Variants in MLF1 observed in about 807,000 individuals in gnomAD.
MLF1 encodes myeloid leukemia factor 1, also known as myelodysplasia-myeloid leukemia factor 1.
MLF1 carries 37 observed loss-of-function variants against 38.3 expected under a neutral mutation model. The observed-to-expected ratio is 0.96, with a 90% CI of 0.74 to 1.27. The LOEUF (loss-of-function observed/expected upper bound fraction) is 1.27. MLF1 is among the 50% of genes most tolerant of loss of function. The probability of loss-of-function intolerance (pLI) is 0.00; values close to 1 mark genes in which losing one functional copy is unlikely to be tolerated. For synonymous variants in MLF1, 95 were observed against 106.5 expected (o/e 0.89, Z 0.66); for missense variants, 331 against 349.2 (o/e 0.95, Z 0.42).
intron 2 of MLF1, 138 bp downstream of exon 2, chr3:158,592,719 G>A: frequency 9.9e-6 from 7 of 706,904 alleles, no homozygotes; most frequent in South Asian, 6.5e-5. Flanking sequence ...TAAAAGGGGG[G>A]ACCTTTGGAA....
intron 6 of MLF1, among the ~76,000 whole-genome samples, chr3:158,601,806 CT>C (rs1188640734): frequency 3.1e-5 from 3 of 96,024 alleles, no homozygotes; most frequent in Non-Finnish European, 3.7e-5. Context: ...TAAAATTATT[CT>C]TTTTTTTTTT....
chr3:158,575,491 G>C (rs576581844), intron 1 of MLF1, among the ~76,000 whole-genome samples: 3 of 152,036 alleles, frequency 2.0e-5, no homozygotes, highest in African/African-American at 7.2e-5. Context: ...TGACCCACCC[G>C]TTTTACCTCA....
chr3:158,575,584 A>G (rs1419454063), intron 1 of MLF1, among the ~76,000 whole-genome samples: 2 of 152,156 alleles, frequency 1.3e-5, no homozygotes, highest in African/African-American at 4.8e-5. Context: ...TGAATCATCC[A>G]CTGACCTTAG....
At chr3:158,594,543 A>G (rs1027817249) in intron 3 of MLF1, among the ~76,000 whole-genome samples, 2 of 152,230 alleles carry the variant, frequency 1.3e-5, no homozygotes, top group Non-Finnish European at 2.9e-5. Context: ...TAATAGAGTC[A>G]TATTCTTGAA....
intron 1 of MLF1, among the ~76,000 whole-genome samples, chr3:158,592,003 ATACACT>A (rs1718222484): frequency 6.6e-6 from 1 of 152,218 alleles, no homozygotes; most frequent in Non-Finnish European, 1.5e-5. Context: ...AATGCATTTA[ATACACT>A]TAACCTACCG....
chr3:158,601,806 CTTTTTTTTTTTTTTT>C (rs1188640734), intron 6 of MLF1, among the ~76,000 whole-genome samples: 1 of 96,048 alleles, frequency 1.0e-5, no homozygotes, highest in Non-Finnish European at 1.9e-5. Context: ...TAAAATTATT[CTTTTTTTTTTTTTTT>C]TTTTTGAGAC....
chr3:158,584,500 C>T (rs1290473470), intron 1 of MLF1, among the ~76,000 whole-genome samples: 1 of 152,080 alleles, frequency 6.6e-6, no homozygotes, highest in Non-Finnish European at 1.5e-5. Flanking sequence ...AAATGTGACC[C>T]ATTCTCCAGA....
intron 1 of MLF1, 92 bp from the exon 2 acceptor site, chr3:158,592,337 CATATT>C: frequency 9.6e-7 from 1 of 1,036,960 alleles, no homozygotes; most frequent in Non-Finnish European, 1.3e-6. Flanking sequence ...ATCTAACAAA[CATATT>C]AGCCCAAAAT....
At chr3:158,602,009 G>C (rs1393587934) in intron 6 of MLF1, among the ~76,000 whole-genome samples, 2 of 151,644 alleles carry the variant, frequency 1.3e-5, no homozygotes, top group Non-Finnish European at 2.9e-5. Flanking sequence ...GTAGAGACGT[G>C]GTTTCACCAT....
intron 6 of MLF1, 94 bp from the exon 7 acceptor site, chr3:158,602,713 A>G (rs1719975874): frequency 7.9e-7 from 1 of 1,270,376 alleles, no homozygotes; most frequent in East Asian, 2.4e-5. Flanking sequence ...ACACTAATGA[A>G]AACACCAGAC....
At chr3:158,572,136 A>G (rs1483098534) in intron 1 of MLF1, among the ~76,000 whole-genome samples, 1 of 56,512 alleles carries the variant, frequency 1.8e-5, no homozygotes, top group Non-Finnish European at 3.4e-5. Context: ...TGAAGGTGTG[A>G]GGTGTAGGAG....
rs775271526 is a variant in MLF1, at chr3:158,605,143, A to G, written c.793A>G (p.Asn265Asp). The change falls in exon 8 of 8, where the codon AAT becomes GAT. Residue 265 changes from asparagine to aspartate, a missense_variant. Physicochemically the swap from Asn to Asp is conservative, Grantham distance 23. Coordinates refer to ENST00000466246, the MANE Select transcript of MLF1 (RefSeq NM_001369783.1). Reference protein sequence around the residue: ...SPAIEHGRRSNVLGDKLHIKG... With the variant: ...SPAIEHGRRSDVLGDKLHIKG... ...AGCCATTGAACATGGAAGGAGATCAAATGTTTTGGGGGACAAACTCCACAT... is the reference window on the plus strand; with the variant it reads ...AGCCATTGAACATGGAAGGAGATCAGATGTTTTGGGGGACAAACTCCACAT... 26 of 1,613,938 alleles carry G rather than the reference A, an allele frequency of 1.6e-5. No homozygotes were observed. The highest frequency in any genetic ancestry group is 4.5e-5 in the East Asian group (2 of 44,846).
At chr3:158,579,023 C>T (rs1443274681) in intron 1 of MLF1, among the ~76,000 whole-genome samples, 2 of 152,082 alleles carry the variant, frequency 1.3e-5, no homozygotes, top group Non-Finnish European at 2.9e-5. Context: ...CAAAATATTG[C>T]ACCCTATGAA....
intron 1 of MLF1, among the ~76,000 whole-genome samples, chr3:158,575,651 T>C (rs1247839332): frequency 6.6e-6 from 1 of 152,178 alleles, no homozygotes; most frequent in Non-Finnish European, 1.5e-5. Flanking sequence ...ATAAATATTA[T>C]CCCTGTTGCT....
rs3817373 is a variant in MLF1 at position 158,571,246 on chromosome 3, T to G, written c.-55T>G. The G allele has an allele frequency of 1.4e-6, 2 of 1,440,810 alleles. No homozygotes were observed. Among genetic ancestry groups the G allele is most frequent in the Non-Finnish European group, 1.9e-6 (2 of 1,027,854 alleles). 89.3% of individuals were successfully genotyped at this position (1,440,810 alleles called of 1,614,324 possible). On this transcript the variant is annotated 5_prime_UTR_variant, in exon 1 of 8. Coordinates refer to ENST00000466246, the MANE Select transcript of MLF1 (RefSeq NM_001369783.1). ...TAGCTCTTGTCGCGGCCGCGGCGAG[T>G]TAACATCGTTTTTCCAATCTGTCCG...
chr3:158,582,606 A>G, intron 1 of MLF1: 1 of 330,042 alleles, frequency 3.0e-6, no homozygotes, highest in Non-Finnish European at 5.5e-6. Flanking sequence ...GAGGGGGAAT[A>G]AAAACCTGTA....
In MLF1 at chr3:158,596,763, A is replaced by G. The variant is rs989171582; in HGVS notation, c.241-99A>G. On this transcript the variant is annotated intron_variant, in intron 3 of 7. Coordinates refer to ENST00000466246, the MANE Select transcript of MLF1 (RefSeq NM_001369783.1). ...TTGATTACTGCATGAGATTTCACTA[A>G]ATGAATTGGAAAAAAATGTTTTAGC... is the stretch of plus-strand genomic sequence containing the variant. 1.1e-5 allele frequency: 7 copies of G among 662,120 alleles called. No individual in the cohort carries two copies. The African/African-American group carries it at 1.3e-4, about 12-fold the overall frequency. The allele number at this position is 662,120 out of a possible 1,614,324, so 41.0% of individuals were successfully genotyped here. A position where few individuals can be genotyped will look rare whatever the true frequency, so the allele number is the denominator to read the frequency against.
chr3:158,597,652 G>T (rs1350290136), intron 4 of MLF1, among the ~76,000 whole-genome samples: 1 of 152,114 alleles, frequency 6.6e-6, no homozygotes, highest in Admixed American at 6.6e-5. Flanking sequence ...CCTACAGGAG[G>T]AGGTACGAAA....
At chr3:158,594,617 G>C (rs1718629042) in intron 3 of MLF1, among the ~76,000 whole-genome samples, 1 of 152,186 alleles carries the variant, frequency 6.6e-6, no homozygotes, top group African/African-American at 2.4e-5. Context: ...TCTTGGTAAA[G>C]TATTAGTGAT....
Sources: allele counts gnomAD v4.1 joint callset (sites outside exome capture counted in the v4.1 genomes callset), GRCh38; gene constraint gnomAD v4.1.1; transcripts MANE v1.5; gene names NCBI Gene and HGNC (gene_info 2026-07-23, HGNC 2026-07-21).